BRINP1: variants seen among roughly 807,000 people sequenced by gnomAD.
BRINP1 encodes BMP/retinoic acid-inducible neural-specific protein 1.
A neutral mutation model predicts 72.9 loss-of-function variants in BRINP1; 17 were observed. The ratio of observed to expected loss-of-function variants is 0.23; its 90% CI spans 0.16 to 0.35. BRINP1 has a LOEUF of 0.35. Ranked by LOEUF, BRINP1 falls within the 10% of genes least tolerant of loss-of-function variation. The probability of loss-of-function intolerance (pLI) is 1.00; values close to 1 mark genes in which losing one functional copy is unlikely to be tolerated. For synonymous variants in BRINP1, 418 were observed against 378.5 expected, an observed-to-expected ratio of 1.10 and a Z score of -1.21; for missense variants, 850 against 1,001.6, an observed-to-expected ratio of 0.85 and a Z score of 2.04.
chr9:119,334,869 C>T (rs1233765706), intron 1 of BRINP1, among the ~76,000 whole-genome samples: 1 of 151,900 alleles, frequency 6.6e-6, no homozygotes, highest in Non-Finnish European at 1.5e-5. Flanking sequence ...CAAGAGAGAT[C>T]GAGTCTGAGG....
intron 1 of BRINP1, among the ~76,000 whole-genome samples, chr9:119,359,557 C>T (rs1233979916): frequency 6.6e-6 from 1 of 152,176 alleles, no homozygotes; most frequent in Non-Finnish European, 1.5e-5. Flanking sequence ...GGCACAGAAA[C>T]ATCAGGTAAT....
intron 5 of BRINP1, among the ~76,000 whole-genome samples, chr9:119,232,707 G>A (rs1830159330): frequency 6.6e-6 from 1 of 151,966 alleles, no homozygotes; most frequent in Admixed American, 6.6e-5. Flanking sequence ...ATGTATGAAA[G>A]AATAAATTTC....
Position 119,167,871 on chromosome 9 carries a change from T to C in BRINP1, c.1499A>G (p.Tyr500Cys). The C allele has an allele frequency of 6.2e-7, 1 of 1,614,160 alleles. No individual in the cohort carries two copies. The highest frequency in any genetic ancestry group is 1.6e-4 in the Middle Eastern group (1 of 6,062). ...YLLQKMDSRL[Y>C]VHTTFISNEI... is the part of the protein sequence containing the mutation. ...GTTGCTGATGAAGGTGGTGTGGACG[T>C]AGAGGCGTGAGTCCATCTTCTGCAG... Residue 500 changes from tyrosine (Y) to cysteine (C), a missense_variant, in exon 8 of 8, where the codon TAC becomes TGC. Transcript: ENST00000265922. This position sits in a 1 kb window ranked among gnomAD's most constrained non-coding sequence, Gnocchi z 4.3.
chr9:119,216,750 T>TATCCCCTACA (rs1829981870), intron 5 of BRINP1, among the ~76,000 whole-genome samples: 1 of 152,208 alleles, frequency 6.6e-6, no homozygotes, highest in South Asian at 2.1e-4. Flanking sequence ...GGGGATAAAA[T>TATCCCCTACA]ATTCTATTCT....
chr9:119,331,154 A>G (rs1473796385), intron 1 of BRINP1, among the ~76,000 whole-genome samples: 1 of 152,228 alleles, frequency 6.6e-6, no homozygotes, highest in Non-Finnish European at 1.5e-5. Context: ...TTCGACTTAA[A>G]GAAGTAAAAT....
chr9:119,241,998 G>A (rs1414179679), intron 4 of BRINP1, 49 bp downstream of exon 4: 12 of 1,573,576 alleles, frequency 7.6e-6, no homozygotes, highest in Non-Finnish European at 1.0e-5. Context: ...CTGCATTGCA[G>A]TGTTGTTGTA....
chr9:119,181,914 G>C (rs1829562376), intron 7 of BRINP1, among the ~76,000 whole-genome samples: 1 of 152,176 alleles, frequency 6.6e-6, no homozygotes, highest in Non-Finnish European at 1.5e-5. Context: ...TACAATCCTT[G>C]CAAGGTTGTT....
intron 2 of BRINP1, among the ~76,000 whole-genome samples, chr9:119,284,427 G>A (rs1262582774): frequency 2.6e-5 from 4 of 152,170 alleles, no homozygotes; most frequent in Admixed American, 2.6e-4. Flanking sequence ...CAAAGATGTT[G>A]AAGCTTTAGG....
intron 2 of BRINP1, among the ~76,000 whole-genome samples, chr9:119,284,722 CCT>C (rs1830742689): frequency 6.6e-6 from 1 of 152,078 alleles, no homozygotes; most frequent in Non-Finnish European, 1.5e-5. Flanking sequence ...TGCTCCACTC[CCT>C]CTTTCTCAAT....
Position 119,167,459 on chromosome 9 carries a change from G to A in BRINP1, c.1911C>T (p.Pro637=), listed in dbSNP as rs775265278. The change falls in exon 8 of 8, where the codon CCC becomes CCT. Residue 637 remains proline (P), a synonymous_variant. Transcript: ENST00000265922. This position sits in a 1 kb window ranked among gnomAD's most constrained non-coding sequence, Gnocchi z 4.3. ...TLLRNETGQG[P]VDLSDPSKRQ... is the part of the protein sequence containing the mutation. ...TCTTGGAGGGATCCGACAGGTCCAC[G>A]GGGCCCTGGCCAGTCTCATTTCGCA... 4.5e-5 allele frequency: 72 copies of A among 1,613,970 alleles called. No individual in the cohort carries two copies. Among genetic ancestry groups the A allele is most frequent in the Non-Finnish European group, 5.2e-5 (61 of 1,180,010 alleles).
intron 2 of BRINP1, among the ~76,000 whole-genome samples, chr9:119,272,568 T>G (rs1187748299): frequency 6.6e-6 from 1 of 152,122 alleles, no homozygotes; most frequent in African/African-American, 2.4e-5. Flanking sequence ...CCTAACAAGC[T>G]AGCTCCCAAG....
chr9:119,293,284 T>C (rs1308018383), intron 2 of BRINP1, among the ~76,000 whole-genome samples: 2 of 152,176 alleles, frequency 1.3e-5, no homozygotes, highest in Non-Finnish European at 2.9e-5. Context: ...AGGTTTCTTT[T>C]TCCTTTTTTT....
intron 2 of BRINP1, among the ~76,000 whole-genome samples, chr9:119,258,231 T>C (rs1374709254): frequency 3.3e-5 from 5 of 152,068 alleles, no homozygotes; most frequent in Non-Finnish European, 5.9e-5. Flanking sequence ...GTAAATAACC[T>C]AAGGGGAGCA....
intron 2 of BRINP1, among the ~76,000 whole-genome samples, chr9:119,264,553 C>T (rs1027387831): frequency 9.2e-5 from 14 of 152,228 alleles, no homozygotes; most frequent in African/African-American, 3.4e-4. Flanking sequence ...TTGCCCTGTC[C>T]TCATCCCAGT....
At chr9:119,229,188 C>T (rs1316425216) in intron 5 of BRINP1, among the ~76,000 whole-genome samples, 4 of 152,054 alleles carry the variant, frequency 2.6e-5, no homozygotes, top group African/African-American at 9.7e-5. Flanking sequence ...TGCATTTATT[C>T]ATTCAGCATA....
chr9:119,261,636 T>G (rs1830496071), intron 2 of BRINP1, among the ~76,000 whole-genome samples: 1 of 152,248 alleles, frequency 6.6e-6, no homozygotes, highest in African/African-American at 2.4e-5. Flanking sequence ...CTCTTGAGCA[T>G]AAGGTATTTG....
At chr9:119,364,706 A>T (rs1174915546) in intron 1 of BRINP1, among the ~76,000 whole-genome samples, 1 of 152,210 alleles carries the variant, frequency 6.6e-6, no homozygotes, top group Non-Finnish European at 1.5e-5. Flanking sequence ...CCTGGGCTTC[A>T]CTTTCCTCTT....
intron 1 of BRINP1, among the ~76,000 whole-genome samples, chr9:119,334,795 TAGAG>T (rs879442890): frequency 1.3e-5 from 2 of 149,358 alleles, no homozygotes; most frequent in South Asian, 2.1e-4. Context: ...GGGAGGGGAA[TAGAG>T]AGAGAGAGAG....
At chr9:119,172,361 A>AAAT (rs1829424088) in intron 7 of BRINP1, among the ~76,000 whole-genome samples, 1 of 152,210 alleles carries the variant, frequency 6.6e-6, no homozygotes, top group South Asian at 2.1e-4. Flanking sequence ...ACCTCTACAC[A>AAAT]AATAAACTAG....
Sources: gnomAD v4.1 joint callset for allele counts (sites outside exome capture counted in the v4.1 genomes callset) on GRCh38, gnomAD v4.1.1 for gene constraint, Gnocchi (gnomAD v3.1) non-coding constraint, MANE v1.5 for transcripts, NCBI Gene and HGNC (gene_info 2026-07-23, HGNC 2026-07-21) for gene names.